The following CCDC3 variants were observed in gnomAD, a reference collection of about 807,000 sequenced individuals.
CCDC3 encodes coiled-coil domain-containing protein 3.
Under a neutral mutation model 21.4 loss-of-function variants are expected in CCDC3, and 24 were observed. The ratio of observed to expected loss-of-function variants is 1.12; its 90% CI spans 0.81 to 1.58. CCDC3 has a LOEUF of 1.58. CCDC3 is among the 40% of genes most tolerant of loss of function. CCDC3 has a pLI of 0.00. For synonymous variants in CCDC3, 186 were observed against 166.0 expected, an observed-to-expected ratio of 1.12 and a Z score of -0.93; for missense variants, 425 against 360.9, an observed-to-expected ratio of 1.18 and a Z score of -1.44.
intron 2 of CCDC3, among the ~76,000 whole-genome samples, chr10:12,969,358 G>C (rs1034767996): frequency 3.3e-5 from 5 of 152,100 alleles, no homozygotes; most frequent in African/African-American, 1.2e-4. Context: ...TGGTGGGAAT[G>C]TAAATTAGTA....
intron 2 of CCDC3, among the ~76,000 whole-genome samples, chr10:12,932,873 G>C (rs764909373): frequency 2.6e-5 from 4 of 152,100 alleles, no homozygotes; most frequent in Non-Finnish European, 5.9e-5. Flanking sequence ...CTCATTAACA[G>C]GTTTTAGATT....
chr10:13,039,035 C>G (rs201373024), intron 5 of CCDC3, among the ~76,000 whole-genome samples: 1 of 152,156 alleles, frequency 6.6e-6, no homozygotes, highest in African/African-American at 2.4e-5. Flanking sequence ...CAAAATATCT[C>G]GGAGAGCTCA....
intron 4 of CCDC3, among the ~76,000 whole-genome samples, chr10:13,061,391 C>A (rs1250509738): frequency 6.6e-6 from 1 of 152,168 alleles, no homozygotes; most frequent in Non-Finnish European, 1.5e-5. Flanking sequence ...CATGACGCAG[C>A]CTCATCTCAA....
intron 2 of CCDC3, among the ~76,000 whole-genome samples, chr10:12,974,143 A>C (rs1375238599): frequency 1.3e-5 from 2 of 152,236 alleles, no homozygotes; most frequent in African/African-American, 2.4e-5. Context: ...AGCATTCTGA[A>C]ATCTGCAATA....
At chr10:12,985,560 A>C (rs1193566579) in intron 2 of CCDC3, among the ~76,000 whole-genome samples, 1 of 152,108 alleles carries the variant, frequency 6.6e-6, no homozygotes, top group Non-Finnish European at 1.5e-5. Flanking sequence ...TTAAGCAATC[A>C]GCGGTGCATC....
chr10:12,943,560 TTTTC>T (rs1471860872), intron 2 of CCDC3, among the ~76,000 whole-genome samples: 2 of 152,302 alleles, frequency 1.3e-5, no homozygotes, highest in African/African-American at 4.8e-5. Context: ...CCCTCCTCCC[TTTTC>T]TTTGTCGCCA....
intron 2 of CCDC3, among the ~76,000 whole-genome samples, chr10:12,915,223 CAGT>C (rs1439730232): frequency 2.0e-5 from 3 of 152,162 alleles, no homozygotes; most frequent in African/African-American, 7.2e-5. Flanking sequence ...AAAAGATACT[CAGT>C]AGGATTTCAG....
intron 3 of CCDC3, among the ~76,000 whole-genome samples, chr10:13,075,334 A>T (rs900361830): frequency 6.6e-6 from 1 of 152,298 alleles, no homozygotes; most frequent in South Asian, 2.1e-4. Context: ...CTCCAAAATC[A>T]GTGGGTATTT....
At chr10:12,943,056 T>C (rs1330613433) in intron 2 of CCDC3, among the ~76,000 whole-genome samples, 1 of 152,188 alleles carries the variant, frequency 6.6e-6, no homozygotes, top group Non-Finnish European at 1.5e-5. Flanking sequence ...TTTTCTATCT[T>C]CAGATGGTAT....
In CCDC3 at chr10:12,918,900, A is replaced by C. The variant is rs146512103; in HGVS notation, c.550-20221T>G. Among the ~76,000 whole-genome samples, 206 of 152,240 alleles carry C rather than the reference A, an allele frequency of 1.4e-3. 5 individuals carry two copies. The East Asian group carries it at 0.031, about 23-fold the overall frequency. ...AACCCCATCTCTACTAAAAAAATAC[A>C]AAAAATTAGCCATGCATGGTGGTGG... On this transcript the variant is annotated intron_variant, in intron 2 of 2. Coordinates refer to ENST00000378825, the MANE Select transcript of CCDC3 (RefSeq NM_031455.4).
intron 2 of CCDC3, 32 bp from the exon 3 acceptor site, chr10:12,898,711 G>C (rs749419524): frequency 6.2e-7 from 1 of 1,609,178 alleles, no homozygotes; most frequent in Admixed American, 1.7e-5. Context: ...AAGGAGAGGA[G>C]GTGAGTCCCA....
chr10:12,911,711 T>C (rs771967284), intron 2 of CCDC3, among the ~76,000 whole-genome samples: 4 of 152,212 alleles, frequency 2.6e-5, no homozygotes, highest in East Asian at 3.8e-4. Context: ...CAAACATACA[T>C]TGTATTGTTA....
At chr10:12,983,433 T>C (rs1835537667) in intron 2 of CCDC3, among the ~76,000 whole-genome samples, 1 of 148,220 alleles carries the variant, frequency 6.7e-6, no homozygotes, top group South Asian at 2.1e-4. Context: ...ATTAGCAGGG[T>C]GGTGGTGTGC....
intron 2 of CCDC3, among the ~76,000 whole-genome samples, chr10:12,978,897 G>A (rs1382318585): frequency 1.3e-5 from 2 of 151,928 alleles, no homozygotes; most frequent in Non-Finnish European, 2.9e-5. Flanking sequence ...GCAATCTCAG[G>A]ACCCCACACT....
chr10:12,996,993 G>A (rs35633300), intron 2 of CCDC3, among the ~76,000 whole-genome samples: 2,193 of 152,106 alleles, frequency 0.014, 25 homozygotes, highest in Middle Eastern at 0.034. Flanking sequence ...ACCTGGGTGC[G>A]AAACGATTGG....
At chr10:13,049,198 A>G (rs2131423924) in intron 5 of CCDC3, among the ~76,000 whole-genome samples, 1 of 152,344 alleles carries the variant, frequency 6.6e-6, no homozygotes, top group Non-Finnish European at 1.5e-5. Context: ...TGCACAAATC[A>G]TAAATATTTG....
At chr10:12,989,348 C>T (rs1228757708) in intron 2 of CCDC3, among the ~76,000 whole-genome samples, 1 of 152,246 alleles carries the variant, frequency 6.6e-6, no homozygotes, top group Non-Finnish European at 1.5e-5. Context: ...TAGTCCAGAG[C>T]AGCAGTTCCC....
At chr10:12,910,643 T>C (rs1307950261) in intron 2 of CCDC3, among the ~76,000 whole-genome samples, 2 of 146,266 alleles carry the variant, frequency 1.4e-5, no homozygotes, top group African/African-American at 5.1e-5. Context: ...AGAGTCTTGC[T>C]CTGTTGCCCA....
At chr10:13,017,516 CAAAA>C (rs60969932) in intron 5 of CCDC3, among the ~76,000 whole-genome samples, 1 of 111,688 alleles carries the variant, frequency 9.0e-6, no homozygotes, top group South Asian at 3.2e-4. Context: ...GACTCCATCT[CAAAA>C]AAAAAAAAAA....
Sources: gnomAD v4.1 joint callset for allele counts (sites outside exome capture counted in the v4.1 genomes callset) on GRCh38, gnomAD v4.1.1 for gene constraint, MANE v1.5 for transcripts, NCBI Gene and HGNC (gene_info 2026-07-23, HGNC 2026-07-21) for gene names.